The following UBP1 variants were observed in gnomAD, a reference collection of about 807,000 sequenced individuals.
The protein encoded by UBP1 is upstream binding protein 1.
A neutral mutation model predicts 76.1 loss-of-function variants in UBP1; 22 were observed. That is an observed-to-expected ratio of 0.29 (90% CI 0.21 to 0.41). The LOEUF is 0.41. Ranked by LOEUF, UBP1 falls within the 10% of genes least tolerant of loss-of-function variation. The probability of loss-of-function intolerance (pLI) is 1.00; values close to 1 mark genes in which losing one functional copy is unlikely to be tolerated. For missense variants in UBP1, 436 were observed against 668.1 expected (o/e 0.65, Z 3.83); for synonymous variants, 224 against 237.1 (o/e 0.94, Z 0.51).
chr3:33,400,091 C>T, intron 11 of UBP1, 98 bp downstream of exon 11: 1 of 700,282 alleles, frequency 1.4e-6, no homozygotes, highest in Non-Finnish European at 2.1e-6. Flanking sequence ...ACTTCCTATC[C>T]ATAGTTATTT....
chr3:33,409,738 A>G (rs2044521667), intron 5 of UBP1, 137 bp from the exon 6 acceptor site: 5 of 1,093,728 alleles, frequency 4.6e-6, no homozygotes. Flanking sequence ...TATTAGCCAA[A>G]TTATCTATGA....
rs552225754 is a variant in UBP1, at chr3:33,396,122, G to A, written c.1390+40C>T. ...GAGTCCTTTCCGTTTCTGTCTGACA[G>A]TCTCAGAAGTGACAGAATTGAGATG... On this transcript the variant is annotated intron_variant, in intron 13 of 15. Transcript: ENST00000283629. 8 of 1,493,596 alleles carry A rather than the reference G, an allele frequency of 5.4e-6. No individual in the cohort carries two copies. In the African/African-American group the frequency reaches 8.2e-5, roughly 15 times the overall value. 92.5% of individuals were successfully genotyped at this position (1,493,596 alleles called of 1,614,324 possible).
chr3:33,434,289 CTTTTT>C (rs371209882), intron 1 of UBP1, among the ~76,000 whole-genome samples: 2 of 101,264 alleles, frequency 2.0e-5, no homozygotes, highest in Non-Finnish European at 3.8e-5. Flanking sequence ...TCAGCAAATC[CTTTTT>C]TTTTTTTTTT....
At chr3:33,402,737 A>G in intron 9 of UBP1, 64 bp downstream of exon 9, 2 of 1,191,612 alleles carry the variant, frequency 1.7e-6, no homozygotes, top group Non-Finnish European at 2.3e-6. Context: ...ACATGGAGAG[A>G]TGGGGAAATG....
intron 1 of UBP1, among the ~76,000 whole-genome samples, chr3:33,434,682 CTTTTTTT>C (rs10709462): frequency 2.1e-4 from 18 of 87,724 alleles, no homozygotes; most frequent in South Asian, 7.7e-4. Flanking sequence ...AATGGTTTTA[CTTTTTTT>C]TTTTTTTTTT....
chr3:33,417,826 T>A (rs961069623), intron 2 of UBP1, among the ~76,000 whole-genome samples: 1 of 152,158 alleles, frequency 6.6e-6, no homozygotes, highest in Non-Finnish European at 1.5e-5. Context: ...TTGTCCATAC[T>A]CCCAGGGGGC....
intron 13 of UBP1, among the ~76,000 whole-genome samples, chr3:33,395,432 T>A (rs2043936704): frequency 1.3e-5 from 2 of 152,070 alleles, no homozygotes; most frequent in Non-Finnish European, 2.9e-5. Context: ...AGAAAATATA[T>A]GCCTTTTAAA....
chr3:33,410,366 T>C (rs1179374212), intron 5 of UBP1, among the ~76,000 whole-genome samples: 1 of 152,152 alleles, frequency 6.6e-6, no homozygotes. Flanking sequence ...CAACCTGATA[T>C]GTAAAGCCAG....
intron 8 of UBP1, among the ~76,000 whole-genome samples, chr3:33,406,711 C>T (rs917278123): frequency 2.6e-5 from 4 of 152,212 alleles, no homozygotes; most frequent in Non-Finnish European, 5.9e-5. Flanking sequence ...GAATTCATAA[C>T]GGCGCTAGCA....
chr3:33,392,864 G>A (rs1483966953), intron 14 of UBP1: 2 of 409,778 alleles, frequency 4.9e-6, no homozygotes, highest in Non-Finnish European at 8.6e-6. Flanking sequence ...CACATTCCCT[G>A]CCGGCTCCAG....
At chr3:33,419,307 C>A (rs912243750) in intron 2 of UBP1, among the ~76,000 whole-genome samples, 5 of 152,006 alleles carry the variant, frequency 3.3e-5, no homozygotes, top group African/African-American at 1.2e-4. Context: ...CCAGCCTGAC[C>A]AACATGGTGA....
At chr3:33,423,032 C>CA (rs1207606347) in intron 2 of UBP1, among the ~76,000 whole-genome samples, 2 of 139,272 alleles carry the variant, frequency 1.4e-5, no homozygotes, top group African/African-American at 5.4e-5. Context: ...TAAAATTACT[C>CA]AAAAAAAAGT....
At position 33,416,850 on chromosome 3, in the gene UBP1, G is replaced by A. The variant is rs761387392; in HGVS notation, c.266-16C>T. 1 of 1,605,692 alleles carries A rather than the reference G, an allele frequency of 6.2e-7. No individual in the cohort carries two copies. The highest frequency in any genetic ancestry group is 2.2e-5 in the East Asian group (1 of 44,720). On this transcript the variant is annotated splice_polypyrimidine_tract_variant and intron_variant, in intron 2 of 15. Coordinates refer to ENST00000283629, the MANE Select transcript of UBP1 (RefSeq NM_014517.5). ...TATGACTGACCTATTTAAAGAAATT[G>A]TGTATAAAAAACAATCCTTATAAAG...
At chr3:33,391,970 C>CCACT (rs1334751295) in intron 15 of UBP1, 1 of 152,996 alleles carries the variant, frequency 6.5e-6, no homozygotes, top group African/African-American at 2.4e-5. Flanking sequence ...CCTACATGGC[C>CCACT]CACTGCCAGG....
intron 11 of UBP1, 146 bp downstream of exon 11, chr3:33,400,043 A>T (rs192908814): frequency 6.7e-6 from 3 of 447,354 alleles, no homozygotes; most frequent in Non-Finnish European, 1.1e-5. Flanking sequence ...CTATTGGGGG[A>T]TAGATATAAA....
Position 33,437,179 on chromosome 3 carries a change from C to A in UBP1, c.113+2557G>T, listed in dbSNP as rs776990124. On this transcript the variant is annotated intron_variant, in intron 1 of 15. Coordinates refer to ENST00000283629, the MANE Select transcript of UBP1 (RefSeq NM_014517.5). ...CAAAGGTAATGTTAGTAATTAGCCC[C>A]AATATATTCCCAATATTACCAGCCT... 1.6e-3 allele frequency among the ~76,000 whole-genome samples: 248 copies of A among 151,140 alleles called. 3 individuals are homozygous for A. The highest frequency in any genetic ancestry group is 1.6e-3 in the Non-Finnish European group (107 of 67,876).
intron 1 of UBP1, among the ~76,000 whole-genome samples, chr3:33,427,655 T>G (rs1213861185): frequency 1.3e-5 from 2 of 152,214 alleles, no homozygotes; most frequent in African/African-American, 2.4e-5. Flanking sequence ...CAGTAGTCCC[T>G]ACTCCCCCCA....
chr3:33,397,361 A>C, intron 11 of UBP1: 1 of 369,826 alleles, frequency 2.7e-6, no homozygotes, highest in South Asian at 7.3e-5. Flanking sequence ...AGAAGTCCTG[A>C]GGCTGATGAA....
chr3:33,397,099 A>T lies in UBP1; in HGVS notation c.1217T>A (p.Val406Asp). 1 of 1,602,670 alleles carries T rather than the reference A, an allele frequency of 6.2e-7. No individual in the cohort carries two copies. Among genetic ancestry groups the T allele is most frequent in the Non-Finnish European group, 8.5e-7 (1 of 1,176,380 alleles). ...TCCATCGGCTGCACCACAAATTTGAACTAAATCCTCCTTTGTCAGTTTTAA... is the reference window on the plus strand; with the variant it reads ...TCCATCGGCTGCACCACAAATTTGATCTAAATCCTCCTTTGTCAGTTTTAA... ...DLLKLTKEDL[V>D]QICGAADGIR... The change falls in exon 12 of 16, where the codon GTT (valine) becomes GAT (aspartate). Residue 406 changes from valine to aspartate, a missense_variant. This residue lies in a region of UBP1 where 210 missense variants were observed against 272.8 expected (regional missense o/e 0.77). Transcript: ENST00000283629.
Sources: gnomAD v4.1 joint callset for allele counts (sites outside exome capture counted in the v4.1 genomes callset) on GRCh38, gnomAD v4.1.1 for gene constraint, gnomAD v4.1.1 regional missense constraint, MANE v1.5 for transcripts, NCBI Gene and HGNC (gene_info 2026-07-23, HGNC 2026-07-21) for gene names.